The following DIAPH2 variants were observed in gnomAD, a reference collection of about 807,000 sequenced individuals.
The protein encoded by DIAPH2 is protein diaphanous homolog 2.
Under a neutral mutation model 92.7 loss-of-function variants are expected in DIAPH2, and 35 were observed. The ratio of observed to expected loss-of-function variants is 0.38; its 90% CI spans 0.29 to 0.50. The LOEUF is 0.50. Ranked by LOEUF, DIAPH2 falls within the 20% of genes least tolerant of loss-of-function variation. DIAPH2 has a pLI of 0.94. For synonymous variants in DIAPH2, 301 were observed against 280.4 expected, an observed-to-expected ratio of 1.07 and a Z score of -0.73; for missense variants, 701 against 819.5, an observed-to-expected ratio of 0.86 and a Z score of 1.77.
At chrX:96,951,527 TGCA>T (rs72434803) in intron 15 of DIAPH2, among the ~76,000 whole-genome samples, 34,842 of 110,114 alleles carry the variant, frequency 0.32, 5,068 homozygotes, top group South Asian at 0.52. Context: ...CTGTAAAAAG[TGCA>T]GAATCACGAA....
chrX:96,879,610 A>G lies in DIAPH2; in HGVS notation c.448-1969A>G, dbSNP rs758609945. ...TTGCAAAATTATGCTTTAAATATTT[A>G]CTTGCTATTATTCCTTGTGAAATAA... On this transcript the variant is annotated intron_variant, in intron 4 of 26. Coordinates refer to ENST00000324765, the MANE Select transcript of DIAPH2 (RefSeq NM_006729.5). Among the ~76,000 whole-genome samples, 11 of 111,278 alleles carry G rather than the reference A, an allele frequency of 9.9e-5. No individual in the cohort carries two copies. In the South Asian group the frequency reaches 2.0e-3, roughly 20 times the overall value.
At chrX:97,458,266 G>GT (rs1179982876) in intron 26 of DIAPH2, among the ~76,000 whole-genome samples, 14 of 104,840 alleles carry the variant, frequency 1.3e-4, no homozygotes, top group South Asian at 1.3e-3. Flanking sequence ...ATTTTCAGGG[G>GT]TTTTTTTTCC....
chrX:97,146,984 T>G (rs927606231), intron 22 of DIAPH2, among the ~76,000 whole-genome samples: 3 of 111,040 alleles, frequency 2.7e-5, no homozygotes, highest in African/African-American at 9.8e-5. Flanking sequence ...AGCAGTTTTG[T>G]TTTGGGTTAA....
intron 17 of DIAPH2, among the ~76,000 whole-genome samples, chrX:97,037,440 G>A (rs577500705): frequency 9.0e-6 from 1 of 111,327 alleles, no homozygotes; most frequent in African/African-American, 3.3e-5. Context: ...CATTGCCTTG[G>A]GGGATATTTT....
At chrX:96,727,357 C>T (rs892621111) in intron 1 of DIAPH2, among the ~76,000 whole-genome samples, 6 of 112,313 alleles carry the variant, frequency 5.3e-5, no homozygotes, top group East Asian at 2.8e-4. Flanking sequence ...ATCATAAGAA[C>T]GCCTAGTGGT....
intron 23 of DIAPH2, among the ~76,000 whole-genome samples, chrX:97,318,225 G>A (rs902023431): frequency 6.3e-5 from 7 of 110,397 alleles, no homozygotes; most frequent in South Asian, 3.9e-4. Flanking sequence ...TGCAACTTCC[G>A]CCTCCCAGGT....
chrX:96,948,875 G>T (rs1025097161), intron 14 of DIAPH2, 60 bp from the exon 15 acceptor site: 2 of 709,265 alleles, frequency 2.8e-6, no homozygotes, highest in African/African-American at 4.5e-5. Context: ...AATACATAAT[G>T]TTCTTTAAAG....
chrX:97,064,922 C>T lies in DIAPH2; in HGVS notation c.2051-8019C>T, dbSNP rs759223502. Among the ~76,000 whole-genome samples, 3 of 110,933 alleles carry T rather than the reference C, an allele frequency of 2.7e-5. No individual in the cohort carries two copies. In the South Asian group the frequency reaches 1.2e-3, roughly 43 times the overall value. ...CAGGGTGTTACTTTGTTGAGTCTTA[C>T]TCAGCAAGGTTAATGTACGTAGCAT... On this transcript the variant is annotated intron_variant, in intron 17 of 26. Transcript: ENST00000324765.
At chrX:97,144,948 G>T (rs2067234480) in intron 22 of DIAPH2, among the ~76,000 whole-genome samples, 1 of 110,720 alleles carries the variant, frequency 9.0e-6, no homozygotes, top group Non-Finnish European at 1.9e-5. Context: ...TACTTTTTTA[G>T]TACAGATGGG....
intron 3 of DIAPH2, among the ~76,000 whole-genome samples, chrX:96,750,877 GT>G (rs1448131648): frequency 1.8e-5 from 2 of 112,423 alleles, no homozygotes; most frequent in Non-Finnish European, 3.8e-5. Context: ...CTGCCATGTT[GT>G]TTTGCATGGA....
Position 97,011,891 on chromosome X carries a change from C to CAAAAAAAAAAAAA in DIAPH2, c.2050+46700_2050+46712dup, listed in dbSNP as rs1169242843. Among the ~76,000 whole-genome samples the CAAAAAAAAAAAAA allele has an allele frequency of 7.8e-4, 25 of 32,201 alleles. 1 individual carries two copies. Among genetic ancestry groups the CAAAAAAAAAAAAA allele is most frequent in the African/African-American group, 4.0e-3 (25 of 6,271 alleles). The allele number at this position is 32,201 out of a possible 115,157, so 28.0% of individuals were successfully genotyped here. A position where few individuals can be genotyped will look rare whatever the true frequency, so the allele number is the denominator to read the frequency against. On this transcript the variant is annotated intron_variant, in intron 17 of 26. Coordinates refer to ENST00000324765, the MANE Select transcript of DIAPH2 (RefSeq NM_006729.5). Reference sequence around the variant, plus strand: ...TGGTTGACAGAGCAAGACACTGTCTCAAAAAAAAAAAAAAAAAAAAAAAAA... The same window carrying CAAAAAAAAAAAAA: ...TGGTTGACAGAGCAAGACACTGTCTCAAAAAAAAAAAAAAAAAAAAAAAAAAAAAAAAAAAAAA...
intron 17 of DIAPH2, among the ~76,000 whole-genome samples, chrX:96,994,172 A>G (rs1455619071): frequency 8.9e-6 from 1 of 112,007 alleles, no homozygotes; most frequent in Non-Finnish European, 1.9e-5. Flanking sequence ...TCTCAATTGG[A>G]CACTGTAATG....
intron 23 of DIAPH2, among the ~76,000 whole-genome samples, chrX:97,275,380 C>CA (rs2068435498): frequency 9.6e-6 from 1 of 103,766 alleles, no homozygotes; most frequent in Non-Finnish European, 2.0e-5. Context: ...CTGCCCCCCC[C>CA]ACCTCCCTCC....
At chrX:97,266,626 G>T (rs1192020656) in intron 23 of DIAPH2, among the ~76,000 whole-genome samples, 1 of 112,037 alleles carries the variant, frequency 8.9e-6, no homozygotes, top group East Asian at 2.8e-4. Flanking sequence ...AAAGTGGGGT[G>T]GGAGTAAAAG....
At chrX:97,292,224 G>A (rs1039177706) in intron 23 of DIAPH2, among the ~76,000 whole-genome samples, 1 of 110,383 alleles carries the variant, frequency 9.1e-6, no homozygotes, top group Non-Finnish European at 1.9e-5. Flanking sequence ...TGTAGAAACA[G>A]GGTCTTGCCA....
At chrX:97,170,908 G>A (rs777626010) in intron 22 of DIAPH2, among the ~76,000 whole-genome samples, 3 of 108,387 alleles carry the variant, frequency 2.8e-5, no homozygotes, top group African/African-American at 6.7e-5. Context: ...ATGGAGTCTC[G>A]CTCTGTTATT....
chrX:97,364,861 A>G (rs1424201736), intron 24 of DIAPH2, among the ~76,000 whole-genome samples: 1 of 102,134 alleles, frequency 9.8e-6, no homozygotes, highest in East Asian at 3.2e-4. Context: ...TGGGTAGTTG[A>G]TATCTATTCC....
At chrX:97,017,122 T>C (rs1168826901) in intron 17 of DIAPH2, among the ~76,000 whole-genome samples, 1 of 111,689 alleles carries the variant, frequency 9.0e-6, no homozygotes, top group East Asian at 2.8e-4. Flanking sequence ...AAAGTGCTTA[T>C]TTTAATATTT....
chrX:97,527,567 G>A (rs1355895550), intron 26 of DIAPH2, among the ~76,000 whole-genome samples: 1 of 112,363 alleles, frequency 8.9e-6, no homozygotes, highest in Non-Finnish European at 1.9e-5. Flanking sequence ...TACCAAGGCA[G>A]TGTTATAAAT....
Sources: allele counts gnomAD v4.1 joint callset (sites outside exome capture counted in the v4.1 genomes callset), GRCh38; gene constraint gnomAD v4.1.1; transcripts MANE v1.5; gene names NCBI Gene and HGNC (gene_info 2026-07-23, HGNC 2026-07-21).